ERICH6B: variants seen among roughly 807,000 people sequenced by gnomAD.
The protein encoded by ERICH6B is glutamate rich 6B.
ERICH6B carries 69 observed loss-of-function variants against 80.0 expected under a neutral mutation model. The observed-to-expected ratio is 0.86, with a 90% confidence interval of 0.71 to 1.05. The LOEUF is 1.05. Among genes scored for constraint, ERICH6B ranks in the 50% least tolerant of loss-of-function variants. The pLI is 0.00. For missense variants in ERICH6B, 754 were observed against 796.1 expected, an observed-to-expected ratio of 0.95 and a Z score of 0.64; for synonymous variants, 283 against 291.9, an observed-to-expected ratio of 0.97 and a Z score of 0.31.
intron 2 of ERICH6B, among the ~76,000 whole-genome samples, chr13:45,606,541 ATATATATTTTTTTTTT>A (rs1949866253): frequency 2.6e-4 from 3 of 11,544 alleles, no homozygotes; most frequent in Non-Finnish European, 6.0e-4. Context: ...ATATATATAT[ATATATATTTTTTTTTT>A]TTTTTTTTTT....
In ERICH6B at chr13:45,550,247, C is replaced by T. The variant is rs1161632977; in HGVS notation, c.1477G>A (p.Gly493Arg). 3 of 1,551,544 alleles carry T rather than the reference C, an allele frequency of 1.9e-6. No homozygotes were observed. In the African/African-American group the frequency reaches 4.1e-5, roughly 21 times the overall value. ...KNVYQILFPD[G>R]TGQIHYPSGN... is the part of the protein sequence containing the mutation. ...TGTGGATACTGTATCTGGCCTGTCC[C>T]ATCAGGAAAGAGAATTTGATAGACA... The change falls in exon 12 of 15, where the codon GGG becomes AGG. Residue 493 changes from glycine to arginine, a missense_variant. Physicochemically the swap from Gly to Arg is moderately radical, Grantham distance 125. Transcript: ENST00000298738.
At chr13:45,569,730 G>A (rs774971404) in intron 8 of ERICH6B, among the ~76,000 whole-genome samples, 2 of 152,214 alleles carry the variant, frequency 1.3e-5, no homozygotes, top group Non-Finnish European at 2.9e-5. Context: ...ACAGATACAA[G>A]TTTATGGCTT....
intron 11 of ERICH6B, among the ~76,000 whole-genome samples, chr13:45,557,625 A>G (rs1874494669): frequency 2.6e-5 from 4 of 152,186 alleles, no homozygotes; most frequent in Admixed American, 2.6e-4. Context: ...AGAGATGAGG[A>G]TCCAGTTTCA....
chr13:45,579,287 A>C (rs531210368), intron 7 of ERICH6B, among the ~76,000 whole-genome samples: 1 of 152,264 alleles, frequency 6.6e-6, no homozygotes, highest in African/African-American at 2.4e-5. Flanking sequence ...GTGGGGATGG[A>C]GGTATAAGCA....
At chr13:45,565,408 T>G (rs1044483933) in intron 9 of ERICH6B, among the ~76,000 whole-genome samples, 1 of 152,094 alleles carries the variant, frequency 6.6e-6, no homozygotes, top group African/African-American at 2.4e-5. Context: ...TGAGAGTGGA[T>G]AAAGGAAAGA....
intron 7 of ERICH6B, among the ~76,000 whole-genome samples, chr13:45,575,743 C>G (rs957326208): frequency 1.3e-4 from 20 of 152,106 alleles, no homozygotes; most frequent in Admixed American, 1.1e-3. Context: ...AAACGGTCAG[C>G]TGCAGGCTGG....
In ERICH6B at chr13:45,544,773, C is replaced by T; in HGVS notation, c.1859G>A (p.Gly620Asp). ...YEQKQICLNL[G>D]TRYKFVIPEV... ...TTGTGACCTTACCTTGTACCTGGTG[C>T]CCAGGTTTAAACAAATCTGCTTCTG... The change falls in exon 14 of 15, where the codon GGC becomes GAC. Residue 620 changes from glycine to aspartate, a missense_variant. Coordinates refer to ENST00000298738, the MANE Select transcript of ERICH6B (RefSeq NM_182542.3). 6.4e-7 allele frequency: 1 copy of T among 1,551,562 alleles called. No individual in the cohort carries two copies.
At chr13:45,558,827 G>T (rs374041802) in intron 11 of ERICH6B, among the ~76,000 whole-genome samples, 2 of 152,064 alleles carry the variant, frequency 1.3e-5, no homozygotes, top group Non-Finnish European at 2.9e-5. Context: ...TATTGGATTC[G>T]GTTAGTTAGT....
intron 4 of ERICH6B, 38 bp from the exon 5 acceptor site, chr13:45,587,270 AG>A: frequency 6.5e-7 from 1 of 1,545,276 alleles, no homozygotes; most frequent in Non-Finnish European, 8.8e-7. Context: ...ACTTCCAGAC[AG>A]GGGCCAGGTC....
At chr13:45,614,024 G>A (rs1314777581) in intron 1 of ERICH6B, among the ~76,000 whole-genome samples, 1 of 152,174 alleles carries the variant, frequency 6.6e-6, no homozygotes, top group Non-Finnish European at 1.5e-5. Context: ...TGGGAGGACA[G>A]GGCTTCACCC....
intron 7 of ERICH6B, among the ~76,000 whole-genome samples, chr13:45,578,739 G>A (rs1400096920): frequency 6.6e-6 from 1 of 152,214 alleles, no homozygotes; most frequent in Non-Finnish European, 1.5e-5. Context: ...TGTGGTCCAT[G>A]GATAAGGGAG....
At chr13:45,560,559 A>G (rs138115605) in intron 11 of ERICH6B, among the ~76,000 whole-genome samples, 415 of 152,330 alleles carry the variant, frequency 2.7e-3, no homozygotes, top group African/African-American at 9.3e-3. Flanking sequence ...TGTATCCAAC[A>G]TTGTGGAATC....
intron 8 of ERICH6B, among the ~76,000 whole-genome samples, chr13:45,573,080 A>G (rs1047130420): frequency 6.6e-6 from 1 of 152,176 alleles, no homozygotes; most frequent in Non-Finnish European, 1.5e-5. Context: ...TCCAGCATCA[A>G]CTGCTAGAAA....
rs9534177 is a variant in ERICH6B at position 45,593,173 on chromosome 13, C to G, written c.638-2476G>C. Among the ~76,000 whole-genome samples, 681 of 152,286 alleles carry G rather than the reference C, an allele frequency of 4.5e-3. 1 individual carries two copies. Among genetic ancestry groups the G allele is most frequent in the Non-Finnish European group, 7.3e-3 (497 of 68,026 alleles). ...CCCCATAAACTTTGGGGGGAATCAA[C>G]CCTTTAAGGAAGAGAGGTGGGTGGG... On this transcript the variant is annotated intron_variant, in intron 3 of 14. Coordinates refer to ENST00000298738, the MANE Select transcript of ERICH6B (RefSeq NM_182542.3).
intron 3 of ERICH6B, among the ~76,000 whole-genome samples, chr13:45,591,367 C>T (rs778612540): frequency 2.6e-4 from 39 of 152,136 alleles, no homozygotes; most frequent in South Asian, 1.0e-3. Flanking sequence ...GAGGCTGAGG[C>T]GGGCGGATCA....
intron 8 of ERICH6B, among the ~76,000 whole-genome samples, chr13:45,569,131 C>G (rs999742274): frequency 6.6e-6 from 1 of 150,924 alleles, no homozygotes; most frequent in Non-Finnish European, 1.5e-5. Flanking sequence ...TTACAAGGTG[C>G]CTTTTTTTTT....
At position 45,541,620 on chromosome 13, in the gene ERICH6B, C is replaced by A; in HGVS notation, c.1933G>T (p.Gly645Cys). ...KKKTILEAEP[G>C]PTAQKIRVLL... ...ACCCGGATCTTCTGGGCTGTTGGGC[C>A]GGGTTCTGCCTCCAGGATGGTTTTC... The change falls in exon 15 of 15, where the codon GGC becomes TGC. Residue 645 changes from glycine (G) to cysteine (C), a missense_variant. Gly to Cys is a radical substitution (Grantham distance 159). Coordinates refer to ENST00000298738, the MANE Select transcript of ERICH6B (RefSeq NM_182542.3). The A allele has an allele frequency of 1.3e-6, 2 of 1,551,534 alleles. No individual in the cohort carries two copies. Among genetic ancestry groups the A allele is most frequent in the Non-Finnish European group, 1.7e-6 (2 of 1,147,024 alleles).
intron 9 of ERICH6B, among the ~76,000 whole-genome samples, chr13:45,566,557 G>C (rs1410757180): frequency 2.0e-5 from 3 of 152,228 alleles, no homozygotes; most frequent in Non-Finnish European, 4.4e-5. Context: ...ATAGAGCTTG[G>C]GCCTTGGCTT....
intron 5 of ERICH6B, among the ~76,000 whole-genome samples, 161 bp downstream of exon 5, chr13:45,586,902 A>C (rs183018634): frequency 6.6e-6 from 1 of 152,316 alleles, no homozygotes; most frequent in East Asian, 1.9e-4. Context: ...AGGAGTTAAC[A>C]TCTTACCCAA....
Sources: gnomAD v4.1 joint callset for allele counts (sites outside exome capture counted in the v4.1 genomes callset) on GRCh38, gnomAD v4.1.1 for gene constraint, MANE v1.5 for transcripts, NCBI Gene and HGNC (gene_info 2026-07-23, HGNC 2026-07-21) for gene names.